SGCD: variants seen among roughly 807,000 people sequenced by gnomAD.
The protein encoded by SGCD is sarcoglycan delta.
SGCD carries 18 observed loss-of-function variants against 36.6 expected under a neutral mutation model. The ratio of observed to expected loss-of-function variants is 0.49; its 90% CI spans 0.34 to 0.73. The LOEUF (loss-of-function observed/expected upper bound fraction) is 0.73. SGCD is among the 30% of genes least tolerant of loss of function. The probability of loss-of-function intolerance (pLI) is 0.01; values close to 1 mark genes in which losing one functional copy is unlikely to be tolerated. For missense variants in SGCD, 387 were observed against 346.7 expected (o/e 1.12, Z -0.92); for synonymous variants, 133 against 130.6 (o/e 1.02, Z -0.12).
At chr5:156,633,049 G>C (rs997751009) in intron 6 of SGCD, among the ~76,000 whole-genome samples, 2 of 152,264 alleles carry the variant, frequency 1.3e-5, no homozygotes, top group African/African-American at 4.8e-5. Flanking sequence ...TGCCTCTCAG[G>C]GGCCATGTGA....
intron 1 of SGCD, among the ~76,000 whole-genome samples, chr5:155,897,234 A>G (rs1233292712): frequency 1.3e-5 from 2 of 152,236 alleles, no homozygotes; most frequent in East Asian, 3.8e-4. Flanking sequence ...TACTATAAGC[A>G]ACTATAATAC....
At chr5:156,580,831 G>A (rs1185990991) in intron 4 of SGCD, among the ~76,000 whole-genome samples, 1 of 152,074 alleles carries the variant, frequency 6.6e-6, no homozygotes, top group Non-Finnish European at 1.5e-5. Context: ...TAGCTTCCTT[G>A]TGATGGGTTC....
intron 3 of SGCD, among the ~76,000 whole-genome samples, chr5:156,370,407 A>C (rs1431452551): frequency 6.6e-6 from 1 of 152,206 alleles, no homozygotes; most frequent in African/African-American, 2.4e-5. Context: ...TCAGGAGGCC[A>C]GGAAGTAAAC....
intron 7 of SGCD, among the ~76,000 whole-genome samples, chr5:156,693,343 C>T (rs1393392926): frequency 6.6e-6 from 1 of 152,036 alleles, no homozygotes; most frequent in East Asian, 1.9e-4. Flanking sequence ...TCTCACTGAC[C>T]CTGTCAGAGA....
intron 3 of SGCD, among the ~76,000 whole-genome samples, chr5:156,202,795 A>G (rs1000526869): frequency 6.6e-6 from 1 of 150,826 alleles, no homozygotes; most frequent in African/African-American, 2.4e-5. Flanking sequence ...CTGCAGTTTA[A>G]ACCTGATTGG....
intron 3 of SGCD, among the ~76,000 whole-genome samples, chr5:156,290,704 C>G (rs2127677766): frequency 1.3e-5 from 2 of 152,226 alleles, no homozygotes; most frequent in East Asian, 3.9e-4. Flanking sequence ...AAATTCTTCA[C>G]TGGTTTGATA....
chr5:156,268,694 G>A (rs529083743), intron 3 of SGCD, among the ~76,000 whole-genome samples: 1 of 152,216 alleles, frequency 6.6e-6, no homozygotes, highest in African/African-American at 2.4e-5. Context: ...CTTGGTTCAA[G>A]CAATTCTCTT....
intron 1 of SGCD, among the ~76,000 whole-genome samples, chr5:155,880,489 C>T (rs1166969960): frequency 6.6e-6 from 1 of 152,144 alleles, no homozygotes; most frequent in African/African-American, 2.4e-5. Context: ...CACTTGGATA[C>T]TTTAACATAC....
At chr5:155,996,384 G>T (rs564250671) in intron 1 of SGCD, among the ~76,000 whole-genome samples, 1 of 152,102 alleles carries the variant, frequency 6.6e-6, no homozygotes, top group African/African-American at 2.4e-5. Flanking sequence ...GACAAGAAAC[G>T]GGTTCCAAAA....
At chr5:156,438,598 T>C (rs1451204763) in intron 3 of SGCD, among the ~76,000 whole-genome samples, 1 of 152,154 alleles carries the variant, frequency 6.6e-6, no homozygotes, top group African/African-American at 2.4e-5. Flanking sequence ...TGCTGTTCTC[T>C]CCTGTTTATA....
intron 7 of SGCD, among the ~76,000 whole-genome samples, chr5:156,684,864 T>A (rs1453477521): frequency 2.0e-5 from 3 of 152,080 alleles, no homozygotes; most frequent in African/African-American, 7.2e-5. Context: ...CCGGTTTTAG[T>A]TTTCTTTGAA....
chr5:156,565,253 C>T (rs1759430000), intron 4 of SGCD, among the ~76,000 whole-genome samples: 1 of 152,018 alleles, frequency 6.6e-6, no homozygotes, highest in Admixed American at 6.6e-5. Flanking sequence ...TGTTAGTTTC[C>T]ACAGTAAGTA....
At chr5:156,595,149 T>C in intron 6 of SGCD, 98 bp downstream of exon 6, 1 of 1,360,940 alleles carries the variant, frequency 7.3e-7, no homozygotes, top group Non-Finnish European at 9.9e-7. Context: ...CCTCCCAAAA[T>C]TCATATATCG....
At chr5:156,526,572 C>A (rs1434218232) in intron 4 of SGCD, among the ~76,000 whole-genome samples, 1 of 152,086 alleles carries the variant, frequency 6.6e-6, no homozygotes, top group Admixed American at 6.6e-5. Flanking sequence ...CAGAAGGGTG[C>A]ATTAGGCCTC....
chr5:156,237,083 C>A (rs944280175), intron 3 of SGCD, among the ~76,000 whole-genome samples: 15 of 145,910 alleles, frequency 1.0e-4, no homozygotes, highest in Non-Finnish European at 1.5e-4. Flanking sequence ...GATTCATGTG[C>A]CTTGGCCTCC....
At chr5:156,269,469 CAAAAAAAAAAAAAAAAAAAA>C (rs60893052) in intron 3 of SGCD, among the ~76,000 whole-genome samples, 20 of 30,466 alleles carry the variant, frequency 6.6e-4, no homozygotes, top group East Asian at 2.5e-3. Context: ...GACTCCGTCT[CAAAAAAAAAAAAAAAAAAAA>C]AAAAAAAAAA....
intron 4 of SGCD, among the ~76,000 whole-genome samples, chr5:156,583,479 A>ATTGT (rs1760367823): frequency 6.6e-6 from 1 of 152,080 alleles, no homozygotes; most frequent in Non-Finnish European, 1.5e-5. Context: ...TCAGGTTGCT[A>ATTGT]TTGTTTCTTA....
intron 4 of SGCD, among the ~76,000 whole-genome samples, chr5:156,546,291 A>G (rs1279809663): frequency 6.6e-6 from 1 of 152,208 alleles, no homozygotes; most frequent in Non-Finnish European, 1.5e-5. Flanking sequence ...GTTGGATGTT[A>G]TATCTACAAA....
chr5:155,752,226 G>A, the SGCD span, among the ~76,000 whole-genome samples: 1 of 152,130 alleles, frequency 6.6e-6, no homozygotes, highest in Non-Finnish European at 1.5e-5. Flanking sequence ...CTAGAATGAT[G>A]TATTTAAGAA....
Sources: allele counts gnomAD v4.1 joint callset (sites outside exome capture counted in the v4.1 genomes callset), GRCh38; gene constraint gnomAD v4.1.1; transcripts MANE v1.5; gene names NCBI Gene and HGNC (gene_info 2026-07-23, HGNC 2026-07-21).